Variants in DDI2 observed in about 807,000 individuals in gnomAD.
The protein encoded by DDI2 is DDI proteasomal shuttling factor 2, also known as protein DDI1 homolog 2.
A neutral mutation model predicts 48.1 loss-of-function variants in DDI2; 5 were observed. The observed-to-expected ratio is 0.10, with a 90% CI of 0.05 to 0.22. The LOEUF is 0.22. DDI2 is among the 10% of genes least tolerant of loss of function. DDI2 has a pLI of 1.00. For synonymous variants in DDI2, 205 were observed against 183.6 expected, an observed-to-expected ratio of 1.12 and a Z score of -0.94; for missense variants, 285 against 506.2, an observed-to-expected ratio of 0.56 and a Z score of 4.19.
chr1:15,617,910 G>A (rs767142422), intron 1 of DDI2, 102 bp downstream of exon 1: 2 of 1,370,796 alleles, frequency 1.5e-6, no homozygotes, highest in Non-Finnish European at 1.9e-6. Context: ...GGGGCTGGGG[G>A]GAGCAAGGAT....
At chr1:15,635,401 A>G (rs1241560951) in intron 4 of DDI2, among the ~76,000 whole-genome samples, 22 of 152,060 alleles carry the variant, frequency 1.4e-4, no homozygotes, top group Admixed American at 1.2e-3. Flanking sequence ...TGACACATCT[A>G]TTCTCTTCCC....
intron 6 of DDI2, 32 bp from the exon 7 acceptor site, chr1:15,649,688 A>G (rs1441844578): frequency 6.3e-7 from 1 of 1,599,722 alleles, no homozygotes; most frequent in Non-Finnish European, 8.5e-7. Flanking sequence ...GAAGTACGTA[A>G]CAATAACCTT....
chr1:15,664,877 TA>T lies in DDI2; in HGVS notation c.*5089del, dbSNP rs1640428725. The T allele has an allele frequency of 1.3e-5, 2 of 152,216 alleles. No individual in the cohort carries two copies. Among genetic ancestry groups the T allele is most frequent in the African/African-American group, 4.8e-5 (2 of 41,452 alleles). The allele number at this position is 152,216 out of a possible 1,614,324, so 9.4% of individuals were successfully genotyped here. On this transcript the variant is annotated 3_prime_UTR_variant, in exon 10 of 10. Coordinates refer to ENST00000480945, the MANE Select transcript of DDI2 (RefSeq NM_032341.5). The stretch of plus-strand genomic sequence containing the variant: ...TATAGATTTTGCTCATTGATGCTGT[TA>T]AGAATTATTTCCACTCATACCTGTT...
Position 15,619,450 on chromosome 1 carries a change from TTTTTC to T in DDI2, c.138+1662_138+1666del, listed in dbSNP as rs542475993. 2.7e-3 allele frequency among the ~76,000 whole-genome samples: 397 copies of T among 149,598 alleles called. 1 individual carries two copies. The highest frequency in any genetic ancestry group is 7.0e-3 in the Middle Eastern group (2 of 286). On this transcript the variant is annotated intron_variant, in intron 1 of 9. Coordinates refer to ENST00000480945, the MANE Select transcript of DDI2 (RefSeq NM_032341.5). The stretch of plus-strand genomic sequence containing the variant: ...CAACTCTTCAATTTTTGATAGTGGC[TTTTTC>T]TTTTCTTTTCTTTTCTTTTTTTTTT...
At position 15,617,541 on chromosome 1, in the gene DDI2, G is replaced by GGAGCGAGC; in HGVS notation, c.-123_-116dup. The GGAGCGAGC allele has an allele frequency of 1.4e-6, 1 of 692,156 alleles. No homozygotes were observed. The highest frequency in any genetic ancestry group is 4.7e-4 in the Middle Eastern group (1 of 2,112). The allele number at this position is 692,156 out of a possible 1,614,324, so 42.9% of individuals were successfully genotyped here. A position where few individuals can be genotyped will look rare whatever the true frequency, so the allele number is the denominator to read the frequency against. On this transcript the variant is annotated 5_prime_UTR_variant, in exon 1 of 10. Transcript: ENST00000480945. The stretch of plus-strand genomic sequence containing the variant: ...GACTCACTGAGCGTGTGTGAGGGAG[G>GGAGCGAGC]GAGCGAGCGAGCGAACGAGCAGCCG...
chr1:15,660,628 G>A lies in DDI2; in HGVS notation c.*838G>A, dbSNP rs551392380. Reference sequence around the variant, plus strand: ...AGAAACATTTATGGAAATCGATACAGCTCAACAGTCCCTAGTTACTTTGCT... The same window carrying A: ...AGAAACATTTATGGAAATCGATACAACTCAACAGTCCCTAGTTACTTTGCT... On this transcript the variant is annotated 3_prime_UTR_variant, in exon 10 of 10. Coordinates refer to ENST00000480945, the MANE Select transcript of DDI2 (RefSeq NM_032341.5). 5.0e-6 allele frequency: 8 copies of A among 1,614,172 alleles called. No individual in the cohort carries two copies. Among genetic ancestry groups the A allele is most frequent in the Non-Finnish European group, 6.8e-6 (8 of 1,180,038 alleles).
chr1:15,667,089 C>T lies in DDI2; in HGVS notation c.*7299C>T, dbSNP rs911148896. On this transcript the variant is annotated 3_prime_UTR_variant, in exon 10 of 10. Transcript: ENST00000480945. ...GGGCATGGTGGCACATGCCTGTAGT[C>T]CCAGCTACTCGGGAAACTGAGGCAG... The T allele has an allele frequency of 3.3e-5, 5 of 152,144 alleles. No individual in the cohort carries two copies. The highest frequency in any genetic ancestry group is 5.9e-5 in the Non-Finnish European group (4 of 68,124). 9.4% of individuals were successfully genotyped at this position (152,144 alleles called of 1,614,324 possible).
chr1:15,635,066 AAAAAT>A (rs1639907103), intron 4 of DDI2, among the ~76,000 whole-genome samples: 2 of 152,054 alleles, frequency 1.3e-5, no homozygotes, highest in South Asian at 2.1e-4. Context: ...TGTCTTTACA[AAAAAT>A]AAAATAAATT....
chr1:15,649,631 A>C (rs1640147885), intron 6 of DDI2, 89 bp from the exon 7 acceptor site: 3 of 1,326,162 alleles, frequency 2.3e-6, no homozygotes, highest in South Asian at 2.8e-5. Flanking sequence ...GGATTATGCC[A>C]TTGCACTCCA....
intron 5 of DDI2, among the ~76,000 whole-genome samples, chr1:15,641,722 A>G (rs972664833): frequency 1.3e-5 from 2 of 152,008 alleles, no homozygotes; most frequent in African/African-American, 2.4e-5. Flanking sequence ...TGGGAGGCCA[A>G]GGCAGGTGGA....
intron 8 of DDI2, among the ~76,000 whole-genome samples, chr1:15,653,220 G>A (rs548816655): frequency 1.3e-5 from 2 of 152,024 alleles, no homozygotes; most frequent in East Asian, 3.9e-4. Flanking sequence ...GAGTCCAACA[G>A]TATTTCCCTA....
intron 1 of DDI2, among the ~76,000 whole-genome samples, chr1:15,624,238 A>AT (rs1639718106): frequency 6.6e-6 from 1 of 152,126 alleles, no homozygotes; most frequent in Non-Finnish European, 1.5e-5. Context: ...TTCTCTTGAC[A>AT]TACCTCTTTT....
chr1:15,661,132 G>C lies in DDI2; in HGVS notation c.*1342G>C. The C allele has an allele frequency of 6.2e-7, 1 of 1,613,960 alleles. No individual in the cohort carries two copies. On this transcript the variant is annotated 3_prime_UTR_variant, in exon 10 of 10. Transcript: ENST00000480945. ...AGTCTCCTTTCATCAGGCCATATCT[G>C]TATCAGTGGAGACAGAAAAATTAAC...
intron 3 of DDI2, among the ~76,000 whole-genome samples, chr1:15,631,809 G>GTT (rs1032781501): frequency 1.4e-5 from 2 of 146,464 alleles, no homozygotes; most frequent in African/African-American, 5.0e-5. Flanking sequence ...GTTAGGCTTT[G>GTT]TTTTTTTTTT....
intron 8 of DDI2, among the ~76,000 whole-genome samples, chr1:15,654,193 G>A (rs1007078600): frequency 6.6e-6 from 1 of 152,148 alleles, no homozygotes; most frequent in South Asian, 2.1e-4. Flanking sequence ...GACGAAAGTG[G>A]TAAGAGTTTT....
At chr1:15,630,697 A>C (rs1639829309) in intron 3 of DDI2, 136 bp downstream of exon 3, 2 of 664,438 alleles carry the variant, frequency 3.0e-6, no homozygotes, top group Admixed American at 5.2e-5. Flanking sequence ...GTGAGAGGTA[A>C]ATTAGTGCTA....
At chr1:15,623,409 T>A (rs904897445) in intron 1 of DDI2, among the ~76,000 whole-genome samples, 2 of 148,384 alleles carry the variant, frequency 1.3e-5, no homozygotes, top group African/African-American at 5.0e-5. Context: ...TTTTTTTTTT[T>A]AAGAGACAAG....
Position 15,667,530 on chromosome 1 carries a change from A to T in DDI2, c.*7740A>T, listed in dbSNP as rs538108916. 3 of 152,166 alleles carry T rather than the reference A, an allele frequency of 2.0e-5. No individual in the cohort carries two copies. Among genetic ancestry groups the T allele is most frequent in the Admixed American group, 1.3e-4 (2 of 15,264 alleles). The allele number at this position is 152,166 out of a possible 1,614,324, so 9.4% of individuals were successfully genotyped here. ...ACGACTTAGCAGAGGGTTCTGCAGG[A>T]TGTGCTATTTTAAAGCAGCTGGGTG... On this transcript the variant is annotated 3_prime_UTR_variant, in exon 10 of 10. Transcript: ENST00000480945.
chr1:15,665,813 C>A lies in DDI2; in HGVS notation c.*6023C>A, dbSNP rs928945105. ...ATGGCCTTTTCCTACCTGTTTGCCA[C>A]CTGTGGTGAGGGTGAGCAGGATGAT... On this transcript the variant is annotated 3_prime_UTR_variant, in exon 10 of 10. Coordinates refer to ENST00000480945, the MANE Select transcript of DDI2 (RefSeq NM_032341.5). The A allele has an allele frequency of 4.6e-5, 7 of 152,154 alleles. No individual in the cohort carries two copies. Among genetic ancestry groups the A allele is most frequent in the Non-Finnish European group, 1.0e-4 (7 of 68,026 alleles). 9.4% of individuals were successfully genotyped at this position (152,154 alleles called of 1,614,324 possible).
Sources: gnomAD v4.1 joint callset for allele counts (sites outside exome capture counted in the v4.1 genomes callset) on GRCh38, gnomAD v4.1.1 for gene constraint, MANE v1.5 for transcripts, NCBI Gene and HGNC (gene_info 2026-07-23, HGNC 2026-07-21) for gene names.